GALNT14: variants seen among roughly 807,000 people sequenced by gnomAD.
GALNT14 encodes the protein polypeptide N-acetylgalactosaminyltransferase 14.
In GALNT14, 60 loss-of-function variants were observed where a neutral mutation model predicts 77.5. That is an observed-to-expected ratio of 0.77 (90% CI 0.63 to 0.96). GALNT14 has a LOEUF of 0.96. Among genes scored for constraint, GALNT14 ranks in the 40% least tolerant of loss-of-function variants. The pLI, the probability that GALNT14 is intolerant of heterozygous loss-of-function variation, is 0.00. For missense variants in GALNT14, 710 were observed against 731.0 expected, an observed-to-expected ratio of 0.97 and a Z score of 0.33; for synonymous variants, 280 against 281.7, an observed-to-expected ratio of 0.99 and a Z score of 0.06.
intron 13 of GALNT14, among the ~76,000 whole-genome samples, chr2:30,921,181 C>T (rs1164428869): frequency 6.6e-6 from 1 of 152,170 alleles, no homozygotes; most frequent in Non-Finnish European, 1.5e-5. Context: ...CTCTCGGAGG[C>T]CCACAGAGAC....
At chr2:30,955,486 A>T in intron 6 of GALNT14, 132 bp downstream of exon 6, 1 of 1,246,382 alleles carries the variant, frequency 8.0e-7, no homozygotes, top group Non-Finnish European at 1.1e-6. Flanking sequence ...TCATCAATAA[A>T]ATCGGGACTG....
intron 2 of GALNT14, among the ~76,000 whole-genome samples, chr2:30,978,351 C>T (rs1200590039): frequency 6.6e-6 from 1 of 152,222 alleles, no homozygotes; most frequent in African/African-American, 2.4e-5. Context: ...GTAACTACTG[C>T]CTTCTTGCAG....
At chr2:31,062,118 C>T (rs918138068) in intron 1 of GALNT14, among the ~76,000 whole-genome samples, 1 of 152,150 alleles carries the variant, frequency 6.6e-6, no homozygotes, top group African/African-American at 2.4e-5. Flanking sequence ...CATAGGTATA[C>T]ATGTGCCATG....
intron 1 of GALNT14, among the ~76,000 whole-genome samples, chr2:31,071,952 C>G (rs888744277): frequency 6.6e-6 from 1 of 152,196 alleles, no homozygotes; most frequent in Non-Finnish European, 1.5e-5. Context: ...GAGATGCTGA[C>G]TTAGCAACCA....
intron 1 of GALNT14, among the ~76,000 whole-genome samples, chr2:31,057,885 C>T (rs1408962798): frequency 6.6e-6 from 1 of 152,106 alleles, no homozygotes; most frequent in Admixed American, 6.5e-5. Context: ...TGGTTGGAGG[C>T]ACCTGCAGGA....
chr2:31,127,795 C>A (rs780773336), intron 1 of GALNT14, among the ~76,000 whole-genome samples: 4 of 152,092 alleles, frequency 2.6e-5, no homozygotes, highest in Non-Finnish European at 5.9e-5. Flanking sequence ...TTAAGACAGG[C>A]AGGGAGAATT....
chr2:31,058,652 G>C (rs1346048335), intron 1 of GALNT14, among the ~76,000 whole-genome samples: 2 of 152,246 alleles, frequency 1.3e-5, no homozygotes, highest in East Asian at 3.9e-4. Flanking sequence ...GGTACTGCTA[G>C]ATTTACTCAT....
At chr2:31,027,712 T>C (rs1672151493) in intron 1 of GALNT14, among the ~76,000 whole-genome samples, 1 of 152,216 alleles carries the variant, frequency 6.6e-6, no homozygotes, top group Admixed American at 6.5e-5. Flanking sequence ...ATCATCACAA[T>C]TTATGTCCCC....
At chr2:30,951,007 G>C (rs764689092) in intron 6 of GALNT14, among the ~76,000 whole-genome samples, 2 of 152,316 alleles carry the variant, frequency 1.3e-5, no homozygotes, top group African/African-American at 4.8e-5. Flanking sequence ...ATCAGCCTGG[G>C]GGTCCCTGCA....
chr2:30,955,714 G>T lies in GALNT14; in HGVS notation c.558C>A (p.Gly186=). The T allele has an allele frequency of 6.2e-7, 1 of 1,614,124 alleles. No individual in the cohort carries two copies. Among genetic ancestry groups the T allele is most frequent in the South Asian group, 1.1e-5 (1 of 91,086 alleles). The change falls in exon 6 of 15, where the codon GGC becomes GGA. Residue 186 remains glycine, a synonymous_variant. Coordinates refer to ENST00000349752, the MANE Select transcript of GALNT14 (RefSeq NM_024572.4). ...GAGTGGTGCCCTGGGCGATGTCAGC[G>T]CCCCGAATCCGGGACCGGACCAGAC... is the stretch of plus-strand genomic sequence containing the variant. ...RQGLVRSRIR[G]ADIAQGTTLT...
chr2:30,942,331 G>A (rs760913709), intron 8 of GALNT14, 27 bp from the exon 9 acceptor site: 2 of 1,555,024 alleles, frequency 1.3e-6, no homozygotes, highest in Admixed American at 3.3e-5. Flanking sequence ...AAAAGAGAGG[G>A]GATCAGTTCT....
At position 30,929,495 on chromosome 2, in the gene GALNT14, A is replaced by AACAAGGAGTG; in HGVS notation, c.1059-18_1059-9dup. Reference sequence around the variant, plus strand: ...GCTGTCCGCTTGGTGTTCCTGGGAAAACAAGGAGTGACAAGGGGTGTCAGT... The same window carrying AACAAGGAGTG: ...GCTGTCCGCTTGGTGTTCCTGGGAAAACAAGGAGTGACAAGGAGTGACAAGGGGTGTCAGT... On this transcript the variant is annotated splice_polypyrimidine_tract_variant and intron_variant, in intron 10 of 14. Coordinates refer to ENST00000349752, the MANE Select transcript of GALNT14 (RefSeq NM_024572.4). The AACAAGGAGTG allele has an allele frequency of 6.2e-7, 1 of 1,610,986 alleles. No homozygotes were observed.
At chr2:31,040,880 G>C (rs1489248050) in intron 1 of GALNT14, among the ~76,000 whole-genome samples, 1 of 152,212 alleles carries the variant, frequency 6.6e-6, no homozygotes, top group Non-Finnish European at 1.5e-5. Flanking sequence ...ATAAATAAAT[G>C]AATGAAAGAA....
intron 13 of GALNT14, among the ~76,000 whole-genome samples, chr2:30,918,543 C>G (rs907949897): frequency 5.3e-5 from 8 of 152,198 alleles, no homozygotes; most frequent in Non-Finnish European, 1.0e-4. Flanking sequence ...CTTTGGAATC[C>G]TGCCCAGGAG....
At chr2:31,078,712 C>T (rs546350730) in intron 1 of GALNT14, among the ~76,000 whole-genome samples, 1 of 152,232 alleles carries the variant, frequency 6.6e-6, no homozygotes, top group Non-Finnish European at 1.5e-5. Context: ...ATGCTCAGGA[C>T]AGGGCAAGGC....
chr2:31,131,045 G>T (rs1180648428), intron 1 of GALNT14, among the ~76,000 whole-genome samples: 1 of 152,076 alleles, frequency 6.6e-6, no homozygotes, highest in Non-Finnish European at 1.5e-5. Context: ...TAAGCAAGTG[G>T]GGGTCAGACA....
At chr2:30,951,279 A>G (rs1209722600) in intron 6 of GALNT14, among the ~76,000 whole-genome samples, 1 of 152,234 alleles carries the variant, frequency 6.6e-6, no homozygotes, top group East Asian at 1.9e-4. Flanking sequence ...GTATGCCAAT[A>G]TCCATACAAC....
At chr2:30,974,348 A>G (rs1031209404) in intron 2 of GALNT14, among the ~76,000 whole-genome samples, 2 of 152,142 alleles carry the variant, frequency 1.3e-5, no homozygotes, top group African/African-American at 4.8e-5. Context: ...ATCCCTTTTC[A>G]ATCTACCCTG....
At chr2:31,079,290 T>C (rs993148732) in intron 1 of GALNT14, among the ~76,000 whole-genome samples, 34 of 152,132 alleles carry the variant, frequency 2.2e-4, no homozygotes, top group African/African-American at 8.0e-4. Context: ...CAGATGCACC[T>C]GACAGCGTCA....
Sources: gnomAD v4.1 joint callset for allele counts (sites outside exome capture counted in the v4.1 genomes callset) on GRCh38, gnomAD v4.1.1 for gene constraint, MANE v1.5 for transcripts, NCBI Gene and HGNC (gene_info 2026-07-23, HGNC 2026-07-21) for gene names.